Variants in NCKAP5 observed in about 807,000 individuals in gnomAD.
NCKAP5 encodes nck-associated protein 5.
In NCKAP5, 92 loss-of-function variants were observed where a neutral mutation model predicts 167.0. That is an observed-to-expected ratio of 0.55 (90% CI 0.47 to 0.66). The LOEUF (loss-of-function observed/expected upper bound fraction) is 0.66. Among genes scored for constraint, NCKAP5 ranks in the 30% least tolerant of loss-of-function variants. The pLI is 0.00. For synonymous variants in NCKAP5, 891 were observed against 877.4 expected (o/e 1.02, Z -0.27); for missense variants, 2,378 against 2,315.0 (o/e 1.03, Z -0.56).
intron 11 of NCKAP5, among the ~76,000 whole-genome samples, chr2:132,804,791 GA>G (rs1386161497): frequency 1.3e-5 from 2 of 152,068 alleles, no homozygotes; most frequent in Non-Finnish European, 2.9e-5. Context: ...AACCCAAGAT[GA>G]CAGAAGCGAA....
intron 6 of NCKAP5, among the ~76,000 whole-genome samples, chr2:133,001,547 T>C (rs1167522820): frequency 6.6e-6 from 1 of 152,198 alleles, no homozygotes; most frequent in African/African-American, 2.4e-5. Context: ...AATGCATACA[T>C]TGAGGTTCCA....
At chr2:132,979,478 C>T (rs1011299055) in intron 7 of NCKAP5, among the ~76,000 whole-genome samples, 3 of 152,106 alleles carry the variant, frequency 2.0e-5, no homozygotes, top group Admixed American at 2.0e-4. Context: ...ACTTCCTCCC[C>T]AGCAACGAGC....
chr2:133,453,362 A>G (rs554190356), intron 3 of NCKAP5, among the ~76,000 whole-genome samples: 22 of 152,308 alleles, frequency 1.4e-4, no homozygotes, highest in African/African-American at 4.8e-4. Flanking sequence ...CAGAACTGCA[A>G]TAATTCCAAT....
chr2:132,968,879 G>A (rs1381097952), intron 7 of NCKAP5, among the ~76,000 whole-genome samples: 4 of 152,144 alleles, frequency 2.6e-5, no homozygotes. Context: ...AAAAAAATGA[G>A]GTTGTCTGAA....
intron 6 of NCKAP5, among the ~76,000 whole-genome samples, chr2:133,010,995 T>C (rs1170235753): frequency 1.3e-5 from 2 of 152,076 alleles, no homozygotes; most frequent in Non-Finnish European, 2.9e-5. Context: ...TCTCAGATAA[T>C]AGTATAAAAT....
intron 8 of NCKAP5, among the ~76,000 whole-genome samples, chr2:132,922,113 T>C (rs1695480871): frequency 6.6e-6 from 1 of 152,210 alleles, no homozygotes; most frequent in African/African-American, 2.4e-5. Context: ...TGAACGCAGC[T>C]ATGCAGGGAG....
chr2:133,663,605 G>A, the NCKAP5 span, among the ~76,000 whole-genome samples: 1 of 152,176 alleles, frequency 6.6e-6, no homozygotes. Flanking sequence ...TTCACCAGGA[G>A]TAGACACCAT....
At chr2:132,727,407 C>A (rs1019581942) in intron 18 of NCKAP5, among the ~76,000 whole-genome samples, 5 of 152,222 alleles carry the variant, frequency 3.3e-5, no homozygotes, top group African/African-American at 1.2e-4. Flanking sequence ...TCCTTTGGAA[C>A]AGTGGCAGCA....
intron 6 of NCKAP5, among the ~76,000 whole-genome samples, chr2:133,002,764 A>G (rs2077830281): frequency 6.6e-6 from 1 of 152,140 alleles, no homozygotes; most frequent in African/African-American, 2.4e-5. Context: ...TATGCTATCC[A>G]TAGGAACTAT....
At position 132,783,585 on chromosome 2, in the gene NCKAP5, G is replaced by T; in HGVS notation, c.3226C>A (p.Leu1076Met). Reference protein sequence around the residue: ...PRISPSTHEPLEMTSSKSVSP... With the variant: ...PRISPSTHEPMEMTSSKSVSP... ...ACACTTTTGGAGGACGTCATTTCCAGTGGCTCATGGGTTGAAGGAGAGATC... is the reference window on the plus strand; with the variant it reads ...ACACTTTTGGAGGACGTCATTTCCATTGGCTCATGGGTTGAAGGAGAGATC... The change falls in exon 14 of 20, where the codon CTG becomes ATG. Residue 1076 changes from leucine (L) to methionine (M), a missense_variant. Physicochemically the swap from Leu to Met is conservative, Grantham distance 15. Transcript: ENST00000409261. 6.2e-7 allele frequency: 1 copy of T among 1,613,984 alleles called. No individual in the cohort carries two copies. Among genetic ancestry groups the T allele is most frequent in the East Asian group, 2.2e-5 (1 of 44,854 alleles).
At chr2:132,971,316 C>T (rs777334942) in intron 7 of NCKAP5, among the ~76,000 whole-genome samples, 24 of 152,022 alleles carry the variant, frequency 1.6e-4, no homozygotes, top group South Asian at 8.3e-4. Context: ...GAAATAACCA[C>T]GATGTGAGAA....
intron 3 of NCKAP5, among the ~76,000 whole-genome samples, chr2:133,503,292 C>T (rs1299608800): frequency 6.6e-6 from 1 of 152,214 alleles, no homozygotes; most frequent in Non-Finnish European, 1.5e-5. Context: ...AGCTCCTGTT[C>T]CCATTTAAGT....
chr2:132,783,465 T>A lies in NCKAP5; in HGVS notation c.3346A>T (p.Ser1116Cys), dbSNP rs769504096. 8.8e-6 allele frequency: 14 copies of A among 1,591,386 alleles called. No individual in the cohort carries two copies. Among genetic ancestry groups the A allele is most frequent in the Non-Finnish European group, 1.1e-5 (13 of 1,168,716 alleles). ...GVNESPSSQVSSSSSSSSPAK... is the reference protein window; with the variant it reads ...GVNESPSSQVCSSSSSSSPAK... ...GGTGATGAGGATGATGAGGAACTGC[T>A]GACCTGAGATGATGGTGACTCATTT... The change falls in exon 14 of 20, where the codon AGC (serine) becomes TGC (cysteine). Residue 1116 changes from serine to cysteine, a missense_variant. By Grantham distance (112) the Ser-to-Cys change is moderately radical. Coordinates refer to ENST00000409261, the MANE Select transcript of NCKAP5 (RefSeq NM_207363.3).
chr2:133,619,049 T>G, the NCKAP5 span, among the ~76,000 whole-genome samples: 66,542 of 116,968 alleles, frequency 0.57, 19,752 homozygotes, highest in Middle Eastern at 0.77. Flanking sequence ...GTAAACTATC[T>G]CAAGAACAAA....
At chr2:133,513,129 T>A (rs1014058517) in intron 3 of NCKAP5, among the ~76,000 whole-genome samples, 2 of 152,172 alleles carry the variant, frequency 1.3e-5, no homozygotes, top group African/African-American at 4.8e-5. Flanking sequence ...GTTTACTGAA[T>A]TGTGGACAGA....
intron 2 of NCKAP5, among the ~76,000 whole-genome samples, chr2:133,555,389 G>A (rs1368091): frequency 0.83 from 125,890 of 152,166 alleles, 52,263 homozygotes; most frequent in East Asian, 1. Flanking sequence ...ATTTTCTTTC[G>A]TGTTCAAATT....
intron 11 of NCKAP5, among the ~76,000 whole-genome samples, chr2:132,802,532 T>A (rs1685122952): frequency 6.6e-6 from 1 of 152,192 alleles, no homozygotes; most frequent in African/African-American, 2.4e-5. Context: ...GAGTGAGTTA[T>A]TATGAAATCT....
At chr2:133,533,810 G>C (rs574989410) in intron 2 of NCKAP5, among the ~76,000 whole-genome samples, 1 of 152,106 alleles carries the variant, frequency 6.6e-6, no homozygotes, top group African/African-American at 2.4e-5. Context: ...TGACATTGCA[G>C]CCCAGAAATT....
intron 6 of NCKAP5, among the ~76,000 whole-genome samples, chr2:133,024,733 TAAAG>T (rs1261721923): frequency 1.3e-5 from 2 of 152,228 alleles, no homozygotes; most frequent in Admixed American, 1.3e-4. Flanking sequence ...CTTGCGCTCA[TAAAG>T]AAACCTGTTT....
Sources: gnomAD v4.1 joint callset for allele counts (sites outside exome capture counted in the v4.1 genomes callset) on GRCh38, gnomAD v4.1.1 for gene constraint, MANE v1.5 for transcripts, NCBI Gene and HGNC (gene_info 2026-07-23, HGNC 2026-07-21) for gene names.